GPC5: variants seen among roughly 807,000 people sequenced by gnomAD.
GPC5 encodes the protein glypican-5.
GPC5 carries 47 observed loss-of-function variants against 53.9 expected under a neutral mutation model. That is an observed-to-expected ratio of 0.87 (90% CI 0.69 to 1.11). The LOEUF (loss-of-function observed/expected upper bound fraction) is 1.11. Among genes scored for constraint, GPC5 ranks in the 50% most tolerant of loss-of-function variants. The probability of loss-of-function intolerance (pLI) is 0.00; values close to 1 mark genes in which losing one functional copy is unlikely to be tolerated. For missense variants in GPC5, 748 were observed against 713.1 expected (o/e 1.05, Z -0.56); for synonymous variants, 286 against 263.3 (o/e 1.09, Z -0.84).
chr13:92,596,509 C>T (rs1036463878), intron 7 of GPC5, among the ~76,000 whole-genome samples: 1 of 151,968 alleles, frequency 6.6e-6, no homozygotes, highest in African/African-American at 2.4e-5. Context: ...GAGTCTCACT[C>T]TGTCGCCAGG....
At chr13:92,381,642 A>G (rs2043739839) in intron 7 of GPC5, among the ~76,000 whole-genome samples, 1 of 150,756 alleles carries the variant, frequency 6.6e-6, no homozygotes, top group South Asian at 2.1e-4. Context: ...CGGCAATCCC[A>G]CTACTGGGTA....
chr13:91,779,239 T>A (rs1315270986), intron 5 of GPC5, among the ~76,000 whole-genome samples: 2 of 152,250 alleles, frequency 1.3e-5, no homozygotes, highest in East Asian at 3.8e-4. Context: ...TATACACTTT[T>A]ACATTTTTTA....
intron 2 of GPC5, among the ~76,000 whole-genome samples, chr13:91,471,063 T>G (rs1882590209): frequency 1.3e-5 from 2 of 152,160 alleles, no homozygotes; most frequent in South Asian, 4.1e-4. Context: ...GATGGAGTAT[T>G]GTGATATTTA....
At chr13:91,913,505 A>C (rs544538283) in intron 6 of GPC5, among the ~76,000 whole-genome samples, 2 of 152,196 alleles carry the variant, frequency 1.3e-5, no homozygotes, top group African/African-American at 4.8e-5. Context: ...CCCTATATTT[A>C]TATTCTGCAC....
chr13:91,792,687 G>A (rs967109164), intron 5 of GPC5, among the ~76,000 whole-genome samples: 1 of 152,104 alleles, frequency 6.6e-6, no homozygotes, highest in Non-Finnish European at 1.5e-5. Flanking sequence ...GTTAGGTTAG[G>A]TCAGCTGTTT....
chr13:91,571,800 T>C lies in GPC5; in HGVS notation c.326-121387T>C, dbSNP rs1171371245. On this transcript the variant is annotated intron_variant, in intron 2 of 7. Coordinates refer to ENST00000377067, the MANE Select transcript of GPC5 (RefSeq NM_004466.6). ...ACACACACATATACGTGTGTGTATA[T>C]ATACACACACATACGTGTGTGTATA... Among the ~76,000 whole-genome samples, 45 of 114,396 alleles carry C rather than the reference T, an allele frequency of 3.9e-4. 2 individuals carry two copies. Among genetic ancestry groups the C allele is most frequent in the East Asian group, 3.3e-3 (13 of 3,922 alleles). The allele number at this position is 114,396 out of a possible 152,430, so 75.0% of individuals were successfully genotyped here. A position where few individuals can be genotyped will look rare whatever the true frequency, so the allele number is the denominator to read the frequency against.
At chr13:91,684,362 T>A (rs546448412) in intron 2 of GPC5, among the ~76,000 whole-genome samples, 1 of 152,158 alleles carries the variant, frequency 6.6e-6, no homozygotes, top group Non-Finnish European at 1.5e-5. Context: ...TTCTAACTGG[T>A]AACATGTTCA....
chr13:92,855,634 T>G (rs1406434286), intron 7 of GPC5, among the ~76,000 whole-genome samples: 1 of 142,354 alleles, frequency 7.0e-6, no homozygotes, highest in Non-Finnish European at 1.5e-5. Context: ...AAAAAAAAAG[T>G]GAAGACCCAA....
intron 7 of GPC5, among the ~76,000 whole-genome samples, chr13:92,338,720 G>T (rs1446663442): frequency 6.6e-6 from 1 of 152,062 alleles, no homozygotes; most frequent in South Asian, 2.1e-4. Context: ...ACAATCAGTG[G>T]TTGCTAGAGG....
At chr13:92,240,496 C>A (rs2042604017) in intron 7 of GPC5, 1 of 151,830 alleles carries the variant, frequency 6.6e-6, no homozygotes, top group Non-Finnish European at 1.5e-5. Flanking sequence ...AATTTATAAT[C>A]TTTTTGTTTT....
At chr13:91,447,950 A>G (rs1880916831) in intron 1 of GPC5, among the ~76,000 whole-genome samples, 1 of 152,140 alleles carries the variant, frequency 6.6e-6, no homozygotes, top group South Asian at 2.1e-4. Context: ...TTTGTGCTCC[A>G]CATCTTTCCT....
At chr13:91,552,386 ACT>A (rs988808399) in intron 2 of GPC5, among the ~76,000 whole-genome samples, 57 of 152,024 alleles carry the variant, frequency 3.7e-4, no homozygotes, top group African/African-American at 1.3e-3. Flanking sequence ...GATCTGGGAG[ACT>A]CTAACCCAGT....
intron 1 of GPC5, among the ~76,000 whole-genome samples, chr13:91,402,636 GAAAT>G (rs1343631952): frequency 1.3e-5 from 2 of 152,200 alleles, no homozygotes; most frequent in African/African-American, 2.4e-5. Flanking sequence ...TAGATAAAAT[GAAAT>G]AATGTAAAAT....
chr13:91,431,350 C>T (rs1879431089), intron 1 of GPC5, among the ~76,000 whole-genome samples: 1 of 152,172 alleles, frequency 6.6e-6, no homozygotes, highest in African/African-American at 2.4e-5. Flanking sequence ...TTGTGTATTT[C>T]AGGGTTCCTA....
chr13:92,305,487 A>T (rs548942099), intron 7 of GPC5, among the ~76,000 whole-genome samples: 94 of 152,220 alleles, frequency 6.2e-4, no homozygotes, highest in African/African-American at 2.2e-3. Context: ...CTGGTTTTTT[A>T]AAAAATCTTT....
At chr13:91,489,899 A>T (rs1351141965) in intron 2 of GPC5, among the ~76,000 whole-genome samples, 1 of 152,202 alleles carries the variant, frequency 6.6e-6, no homozygotes, top group African/African-American at 2.4e-5. Context: ...ACTGTTTTTC[A>T]TGATCACTCT....
intron 7 of GPC5, among the ~76,000 whole-genome samples, chr13:92,420,441 A>G (rs781110603): frequency 3.4e-4 from 52 of 152,294 alleles, no homozygotes; most frequent in Non-Finnish European, 6.8e-4. Context: ...CATTCAATGC[A>G]TAATAATCAC....
chr13:91,529,538 G>C (rs1002032626), intron 2 of GPC5, among the ~76,000 whole-genome samples: 1 of 152,108 alleles, frequency 6.6e-6, no homozygotes, highest in Non-Finnish European at 1.5e-5. Context: ...ACCTCGTATG[G>C]GTGTTTAAGG....
chr13:92,258,089 G>A (rs1265674027), intron 7 of GPC5, among the ~76,000 whole-genome samples: 1 of 151,980 alleles, frequency 6.6e-6, no homozygotes, highest in Non-Finnish European at 1.5e-5. Context: ...AGAAGTTATA[G>A]TTTAAAAGGA....
Sources: gnomAD v4.1 joint callset for allele counts (sites outside exome capture counted in the v4.1 genomes callset) on GRCh38, gnomAD v4.1.1 for gene constraint, MANE v1.5 for transcripts, NCBI Gene and HGNC (gene_info 2026-07-23, HGNC 2026-07-21) for gene names.